The following SULF2 variants were observed in gnomAD, a reference collection of about 807,000 sequenced individuals.
SULF2 encodes sulfatase 2, also known as extracellular sulfatase Sulf-2.
In SULF2, 52 loss-of-function variants were observed where a neutral mutation model predicts 107.7. The observed-to-expected ratio is 0.48, with a 90% CI of 0.39 to 0.61. The LOEUF (loss-of-function observed/expected upper bound fraction) is 0.61, where lower values mean the gene tolerates loss of function less well. SULF2 is among the 20% of genes least tolerant of loss of function. SULF2 has a pLI of 0.00. For missense variants in SULF2, 993 were observed against 1,177.3 expected, an observed-to-expected ratio of 0.84 and a Z score of 2.29; for synonymous variants, 460 against 464.3, an observed-to-expected ratio of 0.99 and a Z score of 0.12.
At chr20:47,750,939 C>A (rs2090145747) in intron 2 of SULF2, among the ~76,000 whole-genome samples, 1 of 152,218 alleles carries the variant, frequency 6.6e-6, no homozygotes, top group African/African-American at 2.4e-5. Flanking sequence ...AATGAGACCA[C>A]CCTATAGAAA....
At chr20:47,690,558 T>A (rs1460359451) in intron 4 of SULF2, among the ~76,000 whole-genome samples, 10 of 152,138 alleles carry the variant, frequency 6.6e-5, no homozygotes. Flanking sequence ...GGGCAGGAAT[T>A]GCAATAGATC....
chr20:47,663,635 A>T lies in SULF2; in HGVS notation c.2058-13T>A. The T allele has an allele frequency of 6.4e-7, 1 of 1,563,958 alleles. No individual in the cohort carries two copies. The highest frequency in any genetic ancestry group is 8.7e-7 in the Non-Finnish European group (1 of 1,155,556). On this transcript the variant is annotated splice_polypyrimidine_tract_variant and intron_variant, in intron 15 of 20. Transcript: ENST00000688720. Reference sequence around the variant, plus strand: ...TTGCAGGCCCTTCCTATGGGCGCAGAGGGCCACACACACCTTGGGCCTCTG... The same window carrying T: ...TTGCAGGCCCTTCCTATGGGCGCAGTGGGCCACACACACCTTGGGCCTCTG...
chr20:47,723,575 A>G (rs2089355455), intron 3 of SULF2, among the ~76,000 whole-genome samples: 1 of 152,194 alleles, frequency 6.6e-6, no homozygotes, highest in African/African-American at 2.4e-5. Context: ...GCCGCTTCCC[A>G]TCACTTGCAT....
chr20:47,673,734 C>A (rs2087552002), intron 10 of SULF2, among the ~76,000 whole-genome samples: 1 of 152,236 alleles, frequency 6.6e-6, no homozygotes, highest in African/African-American at 2.4e-5. Flanking sequence ...CTGAATGAGG[C>A]CAGCCCAGAA....
At chr20:47,716,361 C>A (rs564989908) in intron 3 of SULF2, among the ~76,000 whole-genome samples, 49 of 152,154 alleles carry the variant, frequency 3.2e-4, no homozygotes, top group Non-Finnish European at 5.6e-4. Context: ...AAAAATTAGC[C>A]GGGTGTGGTG....
rs181711933 is a variant in SULF2 at position 47,755,568 on chromosome 20, G to A, written c.175+1621C>T. Among the ~76,000 whole-genome samples the A allele has an allele frequency of 1.7e-3, 255 of 152,230 alleles. 2 individuals carry two copies. The highest frequency in any genetic ancestry group is 0.01 in the Middle Eastern group (3 of 294). ...ACCCACATACCTAACCCATTGATCA[G>A]TTTATTTCCCAAATATACATCAGGT... On this transcript the variant is annotated intron_variant, in intron 2 of 20. Transcript: ENST00000688720.
At chr20:47,747,877 C>T (rs2090079131) in intron 2 of SULF2, among the ~76,000 whole-genome samples, 1 of 152,154 alleles carries the variant, frequency 6.6e-6, no homozygotes, top group Admixed American at 6.5e-5. Flanking sequence ...AAAGCAAACC[C>T]TGCCGACCTT....
chr20:47,755,562 T>C (rs1445970514), intron 2 of SULF2, among the ~76,000 whole-genome samples: 1 of 152,136 alleles, frequency 6.6e-6, no homozygotes, highest in Non-Finnish European at 1.5e-5. Flanking sequence ...CCTAACCCAT[T>C]GATCAGTTTA....
At chr20:47,659,023 G>GC (rs1158646721) in intron 20 of SULF2, among the ~76,000 whole-genome samples, 1 of 152,154 alleles carries the variant, frequency 6.6e-6, no homozygotes, top group Non-Finnish European at 1.5e-5. Flanking sequence ...TGTAGCATGG[G>GC]CTTTTTGGAA....
chr20:47,687,153 G>C (rs1372736173), intron 5 of SULF2, among the ~76,000 whole-genome samples: 1 of 152,244 alleles, frequency 6.6e-6, no homozygotes, highest in Admixed American at 6.5e-5. Flanking sequence ...CTCGAGAACA[G>C]TGAGGGGTGA....
Position 47,684,571 on chromosome 20 carries a change from A to G in SULF2, c.748T>C (p.Tyr250His). 4.3e-6 allele frequency: 7 copies of G among 1,613,788 alleles called. No individual in the cohort carries two copies. The highest frequency in any genetic ancestry group is 5.9e-6 in the Non-Finnish European group (7 of 1,179,838). ...PNASQHITPS[Y>H]NYAPNPDKHW... Reference sequence around the variant, plus strand: ...TTGTCCGGGTTGGGCGCGTAGTTGTAGCTCGGCGTGCTGGTGGGCAAGGAC... The same window carrying G: ...TTGTCCGGGTTGGGCGCGTAGTTGTGGCTCGGCGTGCTGGTGGGCAAGGAC... Residue 250 changes from tyrosine (Y) to histidine (H), a missense_variant, in exon 6 of 21, where the codon TAC (tyrosine) becomes CAC (histidine). Physicochemically the swap from Tyr to His is moderately conservative, Grantham distance 83. This residue lies in a region of SULF2 where 388 missense variants were observed against 449.2 expected (regional missense o/e 0.86). Coordinates refer to ENST00000688720, the MANE Select transcript of SULF2 (RefSeq NM_001387048.1).
chr20:47,752,262 A>G (rs2090173520), intron 2 of SULF2, among the ~76,000 whole-genome samples: 1 of 152,224 alleles, frequency 6.6e-6, no homozygotes, highest in African/African-American at 2.4e-5. Context: ...ATTCCTCACA[A>G]GAATGCCAGG....
At chr20:47,730,715 T>C (rs775472175) in intron 3 of SULF2, among the ~76,000 whole-genome samples, 8 of 152,232 alleles carry the variant, frequency 5.3e-5, no homozygotes, top group Non-Finnish European at 7.3e-5. Flanking sequence ...CCCAGAGTGC[T>C]GGGATTACAG....
At chr20:47,663,007 G>A (rs369001480) in intron 17 of SULF2, 63 bp downstream of exon 17, 6 of 1,588,050 alleles carry the variant, frequency 3.8e-6, no homozygotes, top group Admixed American at 3.4e-5. Context: ...AGGTTGGGGG[G>A]GGCCTACCTG....
rs1427788734 is a variant in SULF2, at chr20:47,680,470, C to T, written c.1065-1666G>A. On this transcript the variant is annotated intron_variant, in intron 7 of 20. Coordinates refer to ENST00000688720, the MANE Select transcript of SULF2 (RefSeq NM_001387048.1). This position sits in a 1 kb window ranked among gnomAD's most constrained non-coding sequence, Gnocchi z 4.2. The stretch of plus-strand genomic sequence containing the variant: ...TTAAGGGGTGTGCCCAGCACAGGAC[C>T]CAGGACCTGTTGAATGGTGGACAGT... Among the ~76,000 whole-genome samples, 1 of 152,224 alleles carries T rather than the reference C, an allele frequency of 6.6e-6. No individual in the cohort carries two copies. Among genetic ancestry groups the T allele is most frequent in the African/African-American group, 2.4e-5 (1 of 41,458 alleles).
At chr20:47,761,605 C>T (rs934764506) in intron 1 of SULF2, among the ~76,000 whole-genome samples, 2 of 152,210 alleles carry the variant, frequency 1.3e-5, no homozygotes, top group African/African-American at 4.8e-5. Context: ...GCTTCGCGTG[C>T]CCTCGCGCTC....
At chr20:47,683,389 C>T (rs185624567) in intron 6 of SULF2, among the ~76,000 whole-genome samples, 89 of 152,352 alleles carry the variant, frequency 5.8e-4, no homozygotes, top group African/African-American at 2.0e-3. Flanking sequence ...CCCTTCTTGG[C>T]ATCCATCTCT....
intron 10 of SULF2, among the ~76,000 whole-genome samples, chr20:47,676,263 G>A (rs967974331): frequency 6.6e-6 from 1 of 152,188 alleles, no homozygotes; most frequent in African/African-American, 2.4e-5. Context: ...ACACACCCAC[G>A]GGACACTTGG....
intron 2 of SULF2, among the ~76,000 whole-genome samples, chr20:47,742,927 ATTTTTTTTTTTT>A (rs397837137): frequency 0.02 from 1,959 of 99,480 alleles, 80 homozygotes; most frequent in African/African-American, 0.07. Flanking sequence ...TCAAAACATG[ATTTTTTTTTTTT>A]TTTTTTTTTT....
Sources: allele counts gnomAD v4.1 joint callset (sites outside exome capture counted in the v4.1 genomes callset), GRCh38; gene constraint gnomAD v4.1.1; regional missense constraint gnomAD v4.1.1; non-coding constraint Gnocchi (gnomAD v3.1); transcripts MANE v1.5; gene names NCBI Gene and HGNC (gene_info 2026-07-23, HGNC 2026-07-21).